Variants in RORB observed in about 807,000 individuals in gnomAD.
The protein encoded by RORB is RAR related orphan receptor B.
Under a neutral mutation model 59.1 loss-of-function variants are expected in RORB, and 6 were observed. The observed-to-expected ratio is 0.10, with a 90% CI of 0.06 to 0.20. The LOEUF is 0.20. Among genes scored for constraint, RORB ranks in the 10% least tolerant of loss-of-function variants. RORB has a pLI of 1.00. For synonymous variants in RORB, 215 were observed against 204.5 expected (o/e 1.05, Z -0.44); for missense variants, 320 against 560.5 (o/e 0.57, Z 4.33).
chr9:74,668,027 T>C (rs73549420), intron 8 of RORB, 126 bp downstream of exon 8: 5 of 617,346 alleles, frequency 8.1e-6, no homozygotes, highest in Non-Finnish European at 1.4e-5. Flanking sequence ...CTTTACCAAG[T>C]TTTTGATATT....
chr9:74,653,577 G>A (rs1261482016), intron 4 of RORB, among the ~76,000 whole-genome samples: 1 of 152,136 alleles, frequency 6.6e-6, no homozygotes, highest in African/African-American at 2.4e-5. Context: ...GAATTACGAA[G>A]TTCAGGAGCA....
At chr9:74,644,877 C>A (rs185133138) in intron 4 of RORB, among the ~76,000 whole-genome samples, 31 of 152,230 alleles carry the variant, frequency 2.0e-4, no homozygotes, top group Admixed American at 1.8e-3. Context: ...GAACTACAGC[C>A]AAACCATCAG....
chr9:74,578,202 A>C (rs7872957), intron 1 of RORB, among the ~76,000 whole-genome samples: 50,137 of 151,946 alleles, frequency 0.33, 8,377 homozygotes, highest in Non-Finnish European at 0.35. Flanking sequence ...GGGGTCATCC[A>C]AGAGCAATCC....
At chr9:74,635,659 A>T (rs1282195896) in intron 3 of RORB, among the ~76,000 whole-genome samples, 7 of 152,256 alleles carry the variant, frequency 4.6e-5, no homozygotes, top group African/African-American at 1.7e-4. Context: ...TTTGTTGAAT[A>T]AACTATGGAA....
intron 1 of RORB, among the ~76,000 whole-genome samples, chr9:74,527,297 C>A (rs1370637696): frequency 1.3e-5 from 2 of 151,926 alleles, no homozygotes; most frequent in Non-Finnish European, 2.9e-5. Context: ...AGTTATGAAT[C>A]ATTCATTCTT....
At chr9:74,665,433 A>T in intron 6 of RORB, 55 bp from the exon 7 acceptor site, 1 of 1,073,964 alleles carries the variant, frequency 9.3e-7, no homozygotes, top group Non-Finnish European at 1.3e-6. Context: ...TTTCTTTATT[A>T]TTGGATATAT....
At chr9:74,549,603 AGG>A (rs1563934603) in intron 1 of RORB, among the ~76,000 whole-genome samples, 8 of 54,956 alleles carry the variant, frequency 1.5e-4, no homozygotes, top group African/African-American at 6.5e-4. Context: ...GAAGGAAGGA[AGG>A]AAGAAAGGAA....
intron 1 of RORB, among the ~76,000 whole-genome samples, chr9:74,622,620 G>A (rs1459742066): frequency 4.5e-5 from 6 of 134,422 alleles, no homozygotes; most frequent in South Asian, 2.5e-4. Context: ...TCCACCTCCC[G>A]AGTTCAAGCG....
intron 1 of RORB, among the ~76,000 whole-genome samples, chr9:74,588,533 T>A (rs546289178): frequency 1.3e-5 from 2 of 152,326 alleles, no homozygotes; most frequent in Admixed American, 1.3e-4. Context: ...CTCATCCTAA[T>A]AAATGCCAAT....
intron 1 of RORB, among the ~76,000 whole-genome samples, chr9:74,614,600 A>T (rs1172715918): frequency 6.6e-6 from 1 of 151,952 alleles, no homozygotes; most frequent in Non-Finnish European, 1.5e-5. Context: ...ATTTATTTTT[A>T]AAAAAATAAG....
At chr9:74,610,176 T>A (rs193186845) in intron 1 of RORB, among the ~76,000 whole-genome samples, 2 of 152,362 alleles carry the variant, frequency 1.3e-5, no homozygotes, top group Non-Finnish European at 2.9e-5. Context: ...CAGATTTTAC[T>A]GTACCTCATA....
chr9:74,656,244 G>A (rs1007379824), intron 4 of RORB, among the ~76,000 whole-genome samples: 4 of 152,000 alleles, frequency 2.6e-5, no homozygotes, highest in African/African-American at 9.7e-5. Flanking sequence ...TTAATATTTT[G>A]TCTCGGTGCC....
intron 5 of RORB, among the ~76,000 whole-genome samples, 169 bp downstream of exon 5, chr9:74,660,907 G>A (rs1004953240): frequency 3.9e-5 from 6 of 152,086 alleles, no homozygotes; most frequent in Admixed American, 6.6e-5. Flanking sequence ...ATGTGCCATC[G>A]CCCTCACACA....
chr9:74,558,337 T>A (rs1258768231), intron 1 of RORB, among the ~76,000 whole-genome samples: 1 of 152,152 alleles, frequency 6.6e-6, no homozygotes, highest in Non-Finnish European at 1.5e-5. Context: ...TATTAATCAT[T>A]CAGAATCTGT....
chr9:74,529,344 A>C (rs1826200416), intron 1 of RORB, among the ~76,000 whole-genome samples: 1 of 151,734 alleles, frequency 6.6e-6, no homozygotes, highest in Non-Finnish European at 1.5e-5. Flanking sequence ...AGAATAGTTA[A>C]TGCAAAGCTA....
intron 4 of RORB, among the ~76,000 whole-genome samples, chr9:74,647,243 G>A (rs577241816): frequency 8.5e-5 from 13 of 152,202 alleles, no homozygotes; most frequent in South Asian, 8.3e-4. Flanking sequence ...AAGATGTTCC[G>A]CAAACATGCA....
At chr9:74,530,446 G>A (rs996861135) in intron 1 of RORB, among the ~76,000 whole-genome samples, 1 of 151,984 alleles carries the variant, frequency 6.6e-6, no homozygotes, top group Admixed American at 6.6e-5. Context: ...TGGCCACCGG[G>A]AGAGAAAATT....
chr9:74,499,274 T>A (rs1825770473), intron 1 of RORB: 1 of 152,470 alleles, frequency 6.6e-6, no homozygotes, highest in African/African-American at 2.4e-5. Flanking sequence ...TGGGATGCAA[T>A]CACTGGTCTC....
At chr9:74,530,871 C>G (rs117919713) in intron 1 of RORB, among the ~76,000 whole-genome samples, 1,986 of 151,918 alleles carry the variant, frequency 0.013, 22 homozygotes, top group Non-Finnish European at 0.021. Flanking sequence ...TATCCTTCCC[C>G]CTACCCCCTA....
Sources: gnomAD v4.1 joint callset for allele counts (sites outside exome capture counted in the v4.1 genomes callset) on GRCh38, gnomAD v4.1.1 for gene constraint, MANE v1.5 for transcripts, NCBI Gene and HGNC (gene_info 2026-07-23, HGNC 2026-07-21) for gene names.